The following CORO2B variants were observed in gnomAD, a reference collection of about 807,000 sequenced individuals.
CORO2B encodes coronin 2B.
A neutral mutation model predicts 58.8 loss-of-function variants in CORO2B; 26 were observed. The observed-to-expected ratio is 0.44, with a 90% CI of 0.32 to 0.61. CORO2B has a LOEUF of 0.61. Among genes scored for constraint, CORO2B ranks in the 20% least tolerant of loss-of-function variants. The probability of loss-of-function intolerance (pLI) is 0.04; values close to 1 mark genes in which losing one functional copy is unlikely to be tolerated. For missense variants in CORO2B, 460 were observed against 645.1 expected (o/e 0.71, Z 3.11); for synonymous variants, 242 against 253.8 (o/e 0.95, Z 0.44).
At chr15:68,602,633 C>T (rs539639853) in intron 1 of CORO2B, among the ~76,000 whole-genome samples, 2 of 152,302 alleles carry the variant, frequency 1.3e-5, no homozygotes, top group African/African-American at 4.8e-5. Flanking sequence ...GGTGGGAGCC[C>T]CCATAGCTCT....
At chr15:68,624,066 C>T (rs1445394665) in intron 1 of CORO2B, among the ~76,000 whole-genome samples, 1 of 152,142 alleles carries the variant, frequency 6.6e-6, no homozygotes, top group Admixed American at 6.6e-5. Context: ...GCGGGTCCTG[C>T]TGTCTTGAGC....
At chr15:68,704,300 G>A (rs1434642639) in intron 3 of CORO2B, among the ~76,000 whole-genome samples, 1 of 151,826 alleles carries the variant, frequency 6.6e-6, no homozygotes, top group East Asian at 1.9e-4. Flanking sequence ...TAAAACTTGG[G>A]TATGATCCCT....
At chr15:68,688,007 C>T (rs1292132012) in intron 2 of CORO2B, among the ~76,000 whole-genome samples, 2 of 152,234 alleles carry the variant, frequency 1.3e-5, no homozygotes, top group Non-Finnish European at 2.9e-5. Flanking sequence ...CCATAGCACC[C>T]TCCAGACCAT....
chr15:68,530,140 C>T, the CORO2B span, among the ~76,000 whole-genome samples: 36 of 152,142 alleles, frequency 2.4e-4, no homozygotes, highest in Admixed American at 1.0e-3. Context: ...CTGGCTAAAA[C>T]GGTGAAACCC....
intron 1 of CORO2B, among the ~76,000 whole-genome samples, chr15:68,623,814 G>C (rs968212528): frequency 6.6e-6 from 1 of 152,144 alleles, no homozygotes; most frequent in Non-Finnish European, 1.5e-5. Flanking sequence ...GGTTGGAGGC[G>C]GGTGTGTTTG....
chr15:68,646,453 G>A (rs1901433441), intron 2 of CORO2B, among the ~76,000 whole-genome samples: 2 of 152,154 alleles, frequency 1.3e-5, no homozygotes, highest in South Asian at 4.1e-4. Flanking sequence ...GTGGAGGATG[G>A]ATTTTTCCAG....
chr15:68,522,177 T>C, the CORO2B span, among the ~76,000 whole-genome samples: 1 of 152,176 alleles, frequency 6.6e-6, no homozygotes, highest in African/African-American at 2.4e-5. Context: ...TGTTTCTAGA[T>C]GTCATTTTCT....
chr15:68,634,007 T>C (rs894671418), intron 1 of CORO2B, among the ~76,000 whole-genome samples: 3 of 152,268 alleles, frequency 2.0e-5, no homozygotes, highest in African/African-American at 7.2e-5. Flanking sequence ...GGTCAGGGCA[T>C]GTCACAGGCA....
At chr15:68,613,396 G>T (rs992742060) in intron 1 of CORO2B, among the ~76,000 whole-genome samples, 7 of 151,988 alleles carry the variant, frequency 4.6e-5, no homozygotes, top group Admixed American at 4.6e-4. Context: ...ATCAAATTAG[G>T]GTTCATCAAA....
chr15:68,628,412 T>C (rs1034080035), intron 1 of CORO2B, among the ~76,000 whole-genome samples: 1 of 152,246 alleles, frequency 6.6e-6, no homozygotes, highest in South Asian at 2.1e-4. Context: ...TGGGTTGCGA[T>C]GAAGACTAAG....
intron 1 of CORO2B, chr15:68,632,288 A>G: frequency 1.0e-6 from 1 of 985,488 alleles, no homozygotes; most frequent in African/African-American, 1.7e-5. Flanking sequence ...TGCAAAGAAG[A>G]TACAAGTTTG....
chr15:68,532,820 T>G, the CORO2B span, among the ~76,000 whole-genome samples: 3 of 152,314 alleles, frequency 2.0e-5, no homozygotes, highest in East Asian at 5.8e-4. Flanking sequence ...GTTTAAATCT[T>G]TATTAGGGCA....
intron 3 of CORO2B, among the ~76,000 whole-genome samples, chr15:68,704,266 A>G (rs1322617140): frequency 1.3e-5 from 2 of 151,972 alleles, no homozygotes. Flanking sequence ...CTATAACCCA[A>G]TTACATCTAA....
At chr15:68,623,434 A>G (rs901891270) in intron 1 of CORO2B, among the ~76,000 whole-genome samples, 1 of 152,146 alleles carries the variant, frequency 6.6e-6, no homozygotes, top group Non-Finnish European at 1.5e-5. Flanking sequence ...GCCTGACGTG[A>G]GTGACAGCCA....
intron 9 of CORO2B, among the ~76,000 whole-genome samples, 154 bp from the exon 10 acceptor site, chr15:68,718,990 A>C (rs948978183): frequency 6.6e-6 from 1 of 152,192 alleles, no homozygotes; most frequent in African/African-American, 2.4e-5. Context: ...TCATGAGTGC[A>C]GTCAGGTAGT....
upstream of CORO2B, chr15:68,578,927 T>G: frequency 1.5e-6 from 1 of 662,436 alleles, no homozygotes; most frequent in Non-Finnish European, 1.9e-6. This position sits in a 1 kb window ranked among gnomAD's most constrained non-coding sequence, Gnocchi z 4.2. Flanking sequence ...TCCTCCTTTG[T>G]AGCGAGTTCC....
intron 3 of CORO2B, among the ~76,000 whole-genome samples, chr15:68,698,907 C>T (rs1250246893): frequency 6.6e-6 from 1 of 152,070 alleles, no homozygotes; most frequent in Non-Finnish European, 1.5e-5. Context: ...AGAATGAGGT[C>T]ATTGCATCCA....
intron 2 of CORO2B, among the ~76,000 whole-genome samples, chr15:68,668,731 G>T (rs1437126288): frequency 6.6e-6 from 1 of 152,170 alleles, no homozygotes. Context: ...CAAGCTCAAG[G>T]TTAGCTCTCA....
At chr15:68,636,067 C>T (rs117703036) in intron 1 of CORO2B, among the ~76,000 whole-genome samples, 4,569 of 152,278 alleles carry the variant, frequency 0.03, 87 homozygotes, top group Middle Eastern at 0.054. Context: ...CAAACCCAGA[C>T]GCATCTGGAA....
Sources: allele counts gnomAD v4.1 joint callset (sites outside exome capture counted in the v4.1 genomes callset), GRCh38; gene constraint gnomAD v4.1.1; non-coding constraint Gnocchi (gnomAD v3.1); transcripts MANE v1.5; gene names NCBI Gene and HGNC (gene_info 2026-07-23, HGNC 2026-07-21).